The following TESPA1 variants were observed in gnomAD, a reference collection of about 807,000 sequenced individuals.
TESPA1 encodes thymocyte expressed, positive selection associated 1.
TESPA1 carries 33 observed loss-of-function variants against 57.9 expected under a neutral mutation model. That is an observed-to-expected ratio of 0.57 (90% CI 0.43 to 0.76). The LOEUF is 0.76. TESPA1 is among the 30% of genes least tolerant of loss of function. TESPA1 has a pLI of 0.00. For missense variants in TESPA1, 618 were observed against 632.9 expected (o/e 0.98, Z 0.25); for synonymous variants, 227 against 228.9 (o/e 0.99, Z 0.07).
chr12:54,975,566 T>G (rs1485337198), intron 1 of TESPA1, among the ~76,000 whole-genome samples: 1 of 152,060 alleles, frequency 6.6e-6, no homozygotes, highest in Non-Finnish European at 1.5e-5. Context: ...TGGCCACACT[T>G]GCATCCCACC....
At chr12:54,958,328 G>C (rs1402047358) in intron 10 of TESPA1, among the ~76,000 whole-genome samples, 1 of 152,082 alleles carries the variant, frequency 6.6e-6, no homozygotes, top group Non-Finnish European at 1.5e-5. Flanking sequence ...ACCTACTTGT[G>C]GAGTATATAC....
At chr12:54,966,352 G>C in intron 6 of TESPA1, 36 bp downstream of exon 6, 5 of 1,613,600 alleles carry the variant, frequency 3.1e-6, no homozygotes, top group Non-Finnish European at 4.2e-6. Flanking sequence ...ATTCTTAAAG[G>C]AGACATCATT....
chr12:54,968,125 G>T (rs940783958), intron 3 of TESPA1: 7 of 1,005,828 alleles, frequency 7.0e-6, no homozygotes, highest in Non-Finnish European at 1.0e-5. Context: ...TGCTTCTGTT[G>T]TCCTGGCCAC....
At chr12:54,966,174 C>G in intron 6 of TESPA1, 23 bp from the exon 7 acceptor site, 1 of 1,563,782 alleles carries the variant, frequency 6.4e-7, no homozygotes, top group African/African-American at 1.4e-5. Flanking sequence ...AAGCTGATGT[C>G]ATACAAATCT....
At position 54,962,978 on chromosome 12, in the gene TESPA1, G is replaced by A. The variant is rs1387765935; in HGVS notation, c.920C>T (p.Pro307Leu). Residue 307 changes from proline (P) to leucine (L), a missense_variant, in exon 9 of 11, where the codon CCC becomes CTC. By Grantham distance (98) the Pro-to-Leu change is moderately conservative (BLOSUM62 -3). Coordinates refer to ENST00000449076, the MANE Select transcript of TESPA1 (RefSeq NM_001136030.3). The stretch of plus-strand genomic sequence containing the variant: ...AACTTGGTCCAAACTGTTCCTTTTG[G>A]GGGTGTTGTGGGGTGGTGGTGGCCG... ...RDRPPPPHNT[P>L]KRNSLDQVVL... 6.2e-7 allele frequency: 1 copy of A among 1,613,368 alleles called. No individual in the cohort carries two copies. The highest frequency in any genetic ancestry group is 8.5e-7 in the Non-Finnish European group (1 of 1,179,768).
At chr12:54,976,440 C>A (rs1952139083) in intron 1 of TESPA1, among the ~76,000 whole-genome samples, 10 of 151,930 alleles carry the variant, frequency 6.6e-5, no homozygotes, top group Admixed American at 6.6e-4. Flanking sequence ...TGGGAATCTT[C>A]AGCTCACAGA....
intron 10 of TESPA1, among the ~76,000 whole-genome samples, chr12:54,960,568 T>G (rs1227081429): frequency 2.0e-5 from 3 of 152,226 alleles, no homozygotes; most frequent in Admixed American, 2.0e-4. Context: ...TTGATTTCCA[T>G]GGCTGGTCCT....
chr12:54,969,219 G>A (rs948737766), intron 3 of TESPA1, among the ~76,000 whole-genome samples: 1 of 151,200 alleles, frequency 6.6e-6, no homozygotes, highest in Non-Finnish European at 1.5e-5. Context: ...TTAAGAATAG[G>A]TAACTCTAAT....
intron 5 of TESPA1, among the ~76,000 whole-genome samples, chr12:54,966,689 T>C (rs1489534963): frequency 6.7e-6 from 1 of 150,374 alleles, no homozygotes; most frequent in Non-Finnish European, 1.5e-5. Context: ...AGCCCCTCTG[T>C]CCTAAAAAGG....
At position 54,974,541 on chromosome 12, in the gene TESPA1, G is replaced by A; in HGVS notation, c.22C>T (p.Pro8Ser). The A allele has an allele frequency of 1.3e-6, 2 of 1,596,972 alleles. No homozygotes were observed. Among genetic ancestry groups the A allele is most frequent in the Non-Finnish European group, 1.7e-6 (2 of 1,171,562 alleles). ...GCCCGCCGTTTCTCCCAGGATGTGG[G>A]GCTCAGCACAGAGGCCTCCATGGCC... is the stretch of plus-strand genomic sequence containing the variant. MEASVLS[P>S]TSWEKRRAWL... Residue 8 changes from proline to serine, a missense_variant, in exon 2 of 11, where the codon CCC (proline) becomes TCC (serine). Pro to Ser is a moderately conservative substitution (Grantham distance 74). This residue lies in a region of TESPA1 where 199 missense variants were observed against 184.0 expected (regional missense o/e 1.08). Transcript: ENST00000449076.
chr12:54,966,452 C>A (rs1349280447), intron 5 of TESPA1, 28 bp from the exon 6 acceptor site: 2 of 1,608,566 alleles, frequency 1.2e-6, no homozygotes, highest in Admixed American at 3.4e-5. Context: ...AAGCAAAGAG[C>A]AAATTAGAAG....
chr12:54,961,222 T>G lies in TESPA1; in HGVS notation c.1513A>C (p.Ser505Arg). The change falls in exon 10 of 11, where the codon AGC becomes CGC. Residue 505 changes from serine (S) to arginine (R), a missense_variant. Physicochemically the swap from Ser to Arg is moderately radical, Grantham distance 110 (BLOSUM62 -1). Coordinates refer to ENST00000449076, the MANE Select transcript of TESPA1 (RefSeq NM_001136030.3). ...EEEQSQSRWPSRPRHPHHHQT... is the reference protein window; with the variant it reads ...EEEQSQSRWPRRPRHPHHHQT... ...TGGTGGTGGGGGTGCCTGGGTCTGC[T>G]GGGCCAGCGACTCTGACTCTGCTCC... 3 of 1,613,994 alleles carry G rather than the reference T, an allele frequency of 1.9e-6. No homozygotes were observed. Among genetic ancestry groups the G allele is most frequent in the Non-Finnish European group, 2.5e-6 (3 of 1,179,882 alleles).
At chr12:54,964,229 A>C (rs1555203078) in intron 7 of TESPA1, among the ~76,000 whole-genome samples, 1 of 152,256 alleles carries the variant, frequency 6.6e-6, no homozygotes, top group Non-Finnish European at 1.5e-5. Context: ...TTAAGTAAAT[A>C]TAAAAGGATT....
At chr12:54,960,837 C>A (rs1951028235) in intron 10 of TESPA1, among the ~76,000 whole-genome samples, 1 of 152,144 alleles carries the variant, frequency 6.6e-6, no homozygotes, top group African/African-American at 2.4e-5. Context: ...ATAGCATCAC[C>A]TGAGAACTTC....
intron 10 of TESPA1, among the ~76,000 whole-genome samples, chr12:54,953,192 G>T (rs201462778): frequency 1.3e-5 from 2 of 152,200 alleles, no homozygotes; most frequent in South Asian, 2.1e-4. Flanking sequence ...CACTTCCTTT[G>T]TAAATTTTTC....
chr12:54,952,239 C>T (rs913400829), intron 10 of TESPA1, among the ~76,000 whole-genome samples: 6 of 152,284 alleles, frequency 3.9e-5, no homozygotes, highest in African/African-American at 1.4e-4. Flanking sequence ...GGATGTGGTC[C>T]CTCAACCTTG....
chr12:54,955,828 G>A (rs1318353222), intron 10 of TESPA1, among the ~76,000 whole-genome samples: 1 of 152,114 alleles, frequency 6.6e-6, no homozygotes, highest in Non-Finnish European at 1.5e-5. Context: ...AACAACCTTG[G>A]TAAGAATTGT....
intron 9 of TESPA1, 140 bp downstream of exon 9, chr12:54,962,291 A>G (rs1951126567): frequency 1.9e-6 from 2 of 1,049,528 alleles, no homozygotes; most frequent in African/African-American, 1.6e-5. Flanking sequence ...TTAACCCTGA[A>G]TTGAAATCAG....
Position 54,962,630 on chromosome 12 carries a change from G to T in TESPA1, c.1268C>A (p.Thr423Asn). Residue 423 changes from threonine to asparagine, a missense_variant, in exon 9 of 11, where the codon ACC becomes AAC. Physicochemically the swap from Thr to Asn is moderately conservative, Grantham distance 65. This residue lies in a region of TESPA1 where 409 missense variants were observed against 420.1 expected (regional missense o/e 0.97). Coordinates refer to ENST00000449076, the MANE Select transcript of TESPA1 (RefSeq NM_001136030.3). The stretch of plus-strand genomic sequence containing the variant: ...GAAAGTCTCATCCTTGGCTGGATGG[G>T]TTTCCGTATTGGTGGCTGGTAGACT... Reference protein sequence around the residue: ...LCSLPATNTETHPAKDETFWK... With the variant: ...LCSLPATNTENHPAKDETFWK... The T allele has an allele frequency of 6.2e-7, 1 of 1,613,910 alleles. No individual in the cohort carries two copies. Among genetic ancestry groups the T allele is most frequent in the Non-Finnish European group, 8.5e-7 (1 of 1,179,888 alleles).
Sources: allele counts gnomAD v4.1 joint callset (sites outside exome capture counted in the v4.1 genomes callset), GRCh38; gene constraint gnomAD v4.1.1; regional missense constraint gnomAD v4.1.1; transcripts MANE v1.5; gene names NCBI Gene and HGNC (gene_info 2026-07-23, HGNC 2026-07-21).